The following AFF1 variants were observed in gnomAD, a reference collection of about 807,000 sequenced individuals.
The protein encoded by AFF1 is ALF transcription elongation factor 1.
In AFF1, 48 loss-of-function variants were observed where a neutral mutation model predicts 121.7. The ratio of observed to expected loss-of-function variants is 0.39; its 90% CI spans 0.31 to 0.50. The LOEUF (loss-of-function observed/expected upper bound fraction) is 0.50, where lower values mean the gene tolerates loss of function less well. Ranked by LOEUF, AFF1 falls within the 20% of genes least tolerant of loss-of-function variation. The pLI, the probability that AFF1 is intolerant of heterozygous loss-of-function variation, is 0.76. For synonymous variants in AFF1, 613 were observed against 563.0 expected (o/e 1.09, Z -1.26); for missense variants, 1,523 against 1,511.7 (o/e 1.01, Z -0.12).
chr4:86,999,137 A>G (rs1725491626), intron 2 of AFF1, among the ~76,000 whole-genome samples: 1 of 152,148 alleles, frequency 6.6e-6, no homozygotes, highest in African/African-American at 2.4e-5. Flanking sequence ...TATTCAACAA[A>G]TTATTAATGT....
rs372822484 is a variant in AFF1 at position 87,132,240 on chromosome 4, C to T, written c.3174-31C>T. On this transcript the variant is annotated intron_variant, in intron 18 of 20. Coordinates refer to ENST00000395146, the MANE Select transcript of AFF1 (RefSeq NM_001166693.3). ...CTGCTTTTCTGTAGTATGATAGTCA[C>T]GTGCAGTTTCACTTCTGTCTTTGTT... 1,785 of 1,600,568 alleles carry T rather than the reference C, an allele frequency of 1.1e-3. 7 individuals carry two copies. The highest frequency in any genetic ancestry group is 1.2e-3 in the Non-Finnish European group (1,429 of 1,172,650).
At chr4:86,971,456 C>G (rs1332869142) in intron 2 of AFF1, among the ~76,000 whole-genome samples, 1 of 152,200 alleles carries the variant, frequency 6.6e-6, no homozygotes, top group African/African-American at 2.4e-5. Flanking sequence ...TGGGAATGCA[C>G]CCATACATTT....
chr4:87,098,433 G>A (rs904422494), intron 8 of AFF1, among the ~76,000 whole-genome samples: 2 of 152,160 alleles, frequency 1.3e-5, no homozygotes, highest in African/African-American at 4.8e-5. Flanking sequence ...GTGAAGTGCT[G>A]AGGACAAAGT....
intron 16 of AFF1, 79 bp from the exon 17 acceptor site, chr4:87,131,004 G>T (rs994624075): frequency 1.3e-6 from 2 of 1,548,700 alleles, no homozygotes; most frequent in East Asian, 2.3e-5. Context: ...GTGGAGGAAA[G>T]TCACACTAAA....
At chr4:87,124,326 G>A (rs1457832032) in intron 12 of AFF1, among the ~76,000 whole-genome samples, 1 of 151,836 alleles carries the variant, frequency 6.6e-6, no homozygotes, top group Non-Finnish European at 1.5e-5. Flanking sequence ...AATATTTACA[G>A]TCTTTTCAGG....
chr4:86,983,919 C>T (rs1342970612), intron 2 of AFF1, among the ~76,000 whole-genome samples: 1 of 150,444 alleles, frequency 6.6e-6, no homozygotes, highest in African/African-American at 2.4e-5. Flanking sequence ...TGCCTATAGT[C>T]CCAGCTACTC....
intron 2 of AFF1, among the ~76,000 whole-genome samples, chr4:86,977,031 G>A (rs1162383413): frequency 6.6e-6 from 1 of 152,134 alleles, no homozygotes; most frequent in African/African-American, 2.4e-5. Context: ...TTTATTGCAT[G>A]GAAATAATCT....
At chr4:86,967,450 T>C (rs1722613715) in intron 2 of AFF1, among the ~76,000 whole-genome samples, 1 of 152,142 alleles carries the variant, frequency 6.6e-6, no homozygotes, top group Admixed American at 6.5e-5. Context: ...ACCATGTATT[T>C]AGGGTAATGG....
intron 4 of AFF1, chr4:87,048,006 C>CA (rs376003120): frequency 1.5e-5 from 3 of 205,770 alleles, no homozygotes; most frequent in African/African-American, 7.0e-5. Flanking sequence ...ACTGGGGTAA[C>CA]AATGTGAACA....
At position 87,127,079 on chromosome 4, in the gene AFF1, T is replaced by C; in HGVS notation, c.2865T>C (p.Gly955=). ...NPFPVPSLPN[G]NSKPGKPQVK... ...TTCCAGTGCCTTCTTTGCCAAATGG[T>C]AACTCTAAACCAGGGAAGCCTCAAG... is the stretch of plus-strand genomic sequence containing the variant. Residue 955 remains glycine (G), a synonymous_variant, in exon 15 of 21, where the codon GGT becomes GGC. Coordinates refer to ENST00000395146, the MANE Select transcript of AFF1 (RefSeq NM_001166693.3). 6.2e-7 allele frequency: 1 copy of C among 1,613,572 alleles called. No individual in the cohort carries two copies. The highest frequency in any genetic ancestry group is 8.5e-7 in the Non-Finnish European group (1 of 1,179,776).
chr4:87,052,376 G>A (rs757240347), intron 4 of AFF1, among the ~76,000 whole-genome samples: 1 of 152,148 alleles, frequency 6.6e-6, no homozygotes, highest in Non-Finnish European at 1.5e-5. Context: ...TACTGCCACT[G>A]AACTCCAGCC....
chr4:87,028,502 TC>T (rs11300999), intron 2 of AFF1, among the ~76,000 whole-genome samples: 33,276 of 152,032 alleles, frequency 0.22, 3,845 homozygotes, highest in East Asian at 0.32. Context: ...TTATTTTTCT[TC>T]CTCTCAGGGT....
intron 10 of AFF1, 147 bp from the exon 11 acceptor site, chr4:87,108,012 G>T: frequency 2.7e-6 from 2 of 727,626 alleles, no homozygotes; most frequent in Non-Finnish European, 4.1e-6. Flanking sequence ...ACTACTTTGG[G>T]CCTCTCTCAG....
At position 87,083,971 on chromosome 4, in the gene AFF1, G is replaced by T. The variant is rs1723424991; in HGVS notation, c.1060-149G>T. On this transcript the variant is annotated intron_variant, in intron 4 of 20. Transcript: ENST00000395146. The stretch of plus-strand genomic sequence containing the variant: ...GGTAGAAATGGGGTTTTGCCATGTT[G>T]CCCAGGCTTCAAATGTAAAGTTCTT... 4 of 685,174 alleles carry T rather than the reference G, an allele frequency of 5.8e-6. No homozygotes were observed. The East Asian group carries it at 1.1e-4, about 18-fold the overall frequency. The allele number at this position is 685,174 out of a possible 1,614,324, so 42.4% of individuals were successfully genotyped here. A position where few individuals can be genotyped will look rare whatever the true frequency, so the allele number is the denominator to read the frequency against.
At chr4:87,132,229 T>C (rs774492077) in intron 18 of AFF1, 42 bp from the exon 19 acceptor site, 54 of 1,594,898 alleles carry the variant, frequency 3.4e-5, no homozygotes, top group Admixed American at 7.0e-5. Context: ...TTTTCTGTAG[T>C]ATGATAGTCA....
chr4:86,999,109 G>A (rs866602991), intron 2 of AFF1, among the ~76,000 whole-genome samples: 5 of 152,092 alleles, frequency 3.3e-5, no homozygotes, highest in African/African-American at 4.8e-5. Flanking sequence ...CTACTCCTTC[G>A]CACTCACTGG....
At chr4:87,057,353 C>G (rs546325779) in intron 4 of AFF1, among the ~76,000 whole-genome samples, 1 of 152,128 alleles carries the variant, frequency 6.6e-6, no homozygotes, top group Non-Finnish European at 1.5e-5. Context: ...TAATAAAAGG[C>G]GGAGAATTAT....
intron 4 of AFF1, among the ~76,000 whole-genome samples, chr4:87,058,819 T>G (rs988173016): frequency 3.3e-5 from 5 of 152,064 alleles, no homozygotes; most frequent in Non-Finnish European, 7.4e-5. Flanking sequence ...TCCCCTCTAC[T>G]TGCAACCCAT....
chr4:87,101,878 T>G (rs1725466806), intron 8 of AFF1, among the ~76,000 whole-genome samples: 1 of 152,262 alleles, frequency 6.6e-6, no homozygotes, highest in African/African-American at 2.4e-5. Flanking sequence ...GTTATGTAAA[T>G]ACTTTTTGGG....
Sources: gnomAD v4.1 joint callset for allele counts (sites outside exome capture counted in the v4.1 genomes callset) on GRCh38, gnomAD v4.1.1 for gene constraint, MANE v1.5 for transcripts, NCBI Gene and HGNC (gene_info 2026-07-23, HGNC 2026-07-21) for gene names.